NMT2: variants seen among roughly 807,000 people sequenced by gnomAD.
NMT2 encodes glycylpeptide N-tetradecanoyltransferase 2.
NMT2 carries 35 observed loss-of-function variants against 65.4 expected under a neutral mutation model. That is an observed-to-expected ratio of 0.54 (90% CI 0.41 to 0.71). The LOEUF is 0.71. Ranked by LOEUF, NMT2 falls within the 30% of genes least tolerant of loss-of-function variation. NMT2 has a pLI of 0.00. For missense variants in NMT2, 489 were observed against 611.3 expected (o/e 0.80, Z 2.11); for synonymous variants, 226 against 231.8 (o/e 0.98, Z 0.23).
At position 15,168,591 on chromosome 10, in the gene NMT2, C is replaced by A. The variant is rs766015949; in HGVS notation, c.22G>T (p.Ala8Ser). Residue 8 changes from alanine (A) to serine (S), a missense_variant, in exon 1 of 12, where the codon GCG becomes TCG. By Grantham distance (99) the Ala-to-Ser change is moderately conservative (BLOSUM62 1). Transcript: ENST00000378165. MAEDSES[A>S]ASQQSLELDD... is the part of the protein sequence containing the mutation. ...AGTTCCAGGCTCTGCTGGCTGGCCGCAGACTCGCTGTCCTCCGCCATCGCG... is the reference window on the plus strand; with the variant it reads ...AGTTCCAGGCTCTGCTGGCTGGCCGAAGACTCGCTGTCCTCCGCCATCGCG... The A allele has an allele frequency of 6.3e-7, 1 of 1,586,854 alleles. No individual in the cohort carries two copies. The highest frequency in any genetic ancestry group is 2.4e-5 in the East Asian group (1 of 42,090).
At chr10:15,113,573 A>G (rs1845648231) in intron 9 of NMT2, among the ~76,000 whole-genome samples, 1 of 151,914 alleles carries the variant, frequency 6.6e-6, no homozygotes, top group South Asian at 2.1e-4. Flanking sequence ...CTAAGGGAAC[A>G]GTGATAAAAG....
Position 15,168,624 on chromosome 10 carries a change from T to C in NMT2, c.-12A>G. 7 of 1,569,552 alleles carry C rather than the reference T, an allele frequency of 4.5e-6. No homozygotes were observed. Among genetic ancestry groups the C allele is most frequent in the Non-Finnish European group, 5.2e-6 (6 of 1,164,634 alleles). ...CTGTCCTCCGCCATCGCGGCGGCGC[T>C]GGCTGGGGAGGCGGTGCTCGGGGCC... On this transcript the variant is annotated 5_prime_UTR_variant, in exon 1 of 12. Coordinates refer to ENST00000378165, the MANE Select transcript of NMT2 (RefSeq NM_004808.3).
At chr10:15,127,558 A>AAAT (rs1846123106) in intron 8 of NMT2, among the ~76,000 whole-genome samples, 1 of 95,568 alleles carries the variant, frequency 1.0e-5, no homozygotes, top group Admixed American at 9.1e-5. Flanking sequence ...AAAAAAAAAA[A>AAAT]AAAAAAAAAA....
intron 8 of NMT2, among the ~76,000 whole-genome samples, chr10:15,125,287 T>C (rs1320257414): frequency 6.6e-6 from 1 of 152,258 alleles, no homozygotes; most frequent in East Asian, 1.9e-4. Flanking sequence ...GGAACAGGAC[T>C]GCTACCAGGA....
chr10:15,168,402 G>A (rs988195114), intron 1 of NMT2, 101 bp downstream of exon 1: 32 of 848,120 alleles, frequency 3.8e-5, no homozygotes, highest in Non-Finnish European at 5.2e-5. Context: ...GGGCGGAGCG[G>A]CCGAAGAACC....
chr10:15,138,004 C>CTTTTTTTTTTTTTTTTT (rs374744946), intron 2 of NMT2, among the ~76,000 whole-genome samples: 8 of 128,138 alleles, frequency 6.2e-5, no homozygotes, highest in South Asian at 2.5e-4. Flanking sequence ...TCTTCTTCTT[C>CTTTTTTTTTTTTTTTTT]TTTTTTTTTT....
At chr10:15,130,374 C>A in intron 6 of NMT2, 62 bp from the exon 7 acceptor site, 1 of 1,240,006 alleles carries the variant, frequency 8.1e-7, no homozygotes, top group Admixed American at 2.7e-5. Context: ...AGAGTCAACA[C>A]ATTTTAAAAA....
chr10:15,109,227 G>A lies in NMT2; in HGVS notation c.1477-12C>T, dbSNP rs1159512730. On this transcript the variant is annotated splice_polypyrimidine_tract_variant and intron_variant, in intron 11 of 11. Transcript: ENST00000378165. ...AGTACTAGTCCAACCTGAAGGGAGG[G>A]AAGAAATGGAATAGTAAGAAAAATT... is the stretch of plus-strand genomic sequence containing the variant. The A allele has an allele frequency of 6.2e-7, 1 of 1,602,620 alleles. No homozygotes were observed. The highest frequency in any genetic ancestry group is 8.5e-7 in the Non-Finnish European group (1 of 1,176,116).
chr10:15,155,562 T>C (rs1391482452), intron 1 of NMT2, among the ~76,000 whole-genome samples: 2 of 133,292 alleles, frequency 1.5e-5, no homozygotes, highest in African/African-American at 6.1e-5. Flanking sequence ...TTTTTTTTTT[T>C]TGTAGAGGCA....
At chr10:15,110,010 G>A (rs186400145) in intron 10 of NMT2, among the ~76,000 whole-genome samples, 171 bp from the exon 11 acceptor site, 2 of 152,320 alleles carry the variant, frequency 1.3e-5, no homozygotes, top group East Asian at 1.9e-4. Flanking sequence ...TGTGGCTCAT[G>A]CCTATAATCC....
At chr10:15,156,245 AC>A (rs1832993735) in intron 1 of NMT2, among the ~76,000 whole-genome samples, 1 of 152,148 alleles carries the variant, frequency 6.6e-6, no homozygotes, top group Non-Finnish European at 1.5e-5. Flanking sequence ...TGTACTCATG[AC>A]AGGGAATGAG....
chr10:15,115,856 TA>T (rs987396314), intron 9 of NMT2, among the ~76,000 whole-genome samples: 1 of 152,106 alleles, frequency 6.6e-6, no homozygotes, highest in Non-Finnish European at 1.5e-5. Context: ...TACATTATGA[TA>T]AAAAGATCAA....
chr10:15,124,857 T>A (rs564969348), intron 8 of NMT2, among the ~76,000 whole-genome samples: 191 of 152,346 alleles, frequency 1.3e-3, no homozygotes, highest in Non-Finnish European at 2.1e-3. Flanking sequence ...TTTCCTTTCC[T>A]TTCCTATGAC....
At chr10:15,148,758 T>C (rs1052836656) in intron 1 of NMT2, among the ~76,000 whole-genome samples, 2 of 152,004 alleles carry the variant, frequency 1.3e-5, no homozygotes, top group African/African-American at 4.8e-5. Flanking sequence ...GTGTCTGACA[T>C]ATAAAAGATC....
At chr10:15,112,206 ATATATATATATTTTTTTTTTTTTTT>A (rs1654553835) in intron 10 of NMT2, among the ~76,000 whole-genome samples, 2 of 17,374 alleles carry the variant, frequency 1.2e-4, no homozygotes, top group African/African-American at 6.9e-4. Flanking sequence ...ATATATATAT[ATATATATATATTTTTTTTTTTTTTT>A]TTTTTTTTTT....
At chr10:15,136,308 GAGAA>G (rs1385244267) in intron 2 of NMT2, among the ~76,000 whole-genome samples, 1 of 148,096 alleles carries the variant, frequency 6.8e-6, no homozygotes, top group East Asian at 2.0e-4. Flanking sequence ...GAGAAGGAGA[GAGAA>G]AGAGAAAGGG....
At chr10:15,153,567 T>A (rs563808741) in intron 1 of NMT2, among the ~76,000 whole-genome samples, 1 of 152,372 alleles carries the variant, frequency 6.6e-6, no homozygotes, top group African/African-American at 2.4e-5. Context: ...TACGTCACAC[T>A]ACTTATTCAA....
intron 3 of NMT2, among the ~76,000 whole-genome samples, chr10:15,134,578 T>C (rs1474517074): frequency 6.6e-6 from 1 of 152,204 alleles, no homozygotes; most frequent in African/African-American, 2.4e-5. Flanking sequence ...TTTCCAGGTG[T>C]GTGCCCTGGA....
At chr10:15,159,963 C>A (rs1833132825) in intron 1 of NMT2, among the ~76,000 whole-genome samples, 1 of 152,132 alleles carries the variant, frequency 6.6e-6, no homozygotes, top group African/African-American at 2.4e-5. Flanking sequence ...GGGCTTCCGG[C>A]AGGGGTCAGC....
Sources: gnomAD v4.1 joint callset for allele counts (sites outside exome capture counted in the v4.1 genomes callset) on GRCh38, gnomAD v4.1.1 for gene constraint, MANE v1.5 for transcripts, NCBI Gene and HGNC (gene_info 2026-07-23, HGNC 2026-07-21) for gene names.